TRAPPC4: variants seen among roughly 807,000 people sequenced by gnomAD.
TRAPPC4 encodes the protein trafficking protein particle complex subunit 4.
Under a neutral mutation model 23.5 loss-of-function variants are expected in TRAPPC4, and 30 were observed. The observed-to-expected ratio is 1.28, with a 90% confidence interval of 0.96 to 1.73. TRAPPC4 has a LOEUF of 1.73. Among genes scored for constraint, TRAPPC4 ranks in the 40% most tolerant of loss-of-function variants. The probability of loss-of-function intolerance (pLI) is 0.00; values close to 1 mark genes in which losing one functional copy is unlikely to be tolerated. For missense variants in TRAPPC4, 252 were observed against 268.9 expected, an observed-to-expected ratio of 0.94 and a Z score of 0.44; for synonymous variants, 129 against 105.3, an observed-to-expected ratio of 1.23 and a Z score of -1.38.
rs782425190 is a variant in TRAPPC4 at position 119,019,993 on chromosome 11, A to C, written c.351-157A>C. ...AATGTAAAATATTCACAGAATTCAAATGAACTTAGAAATTTTGACACTACT... is the reference window on the plus strand; with the variant it reads ...AATGTAAAATATTCACAGAATTCAACTGAACTTAGAAATTTTGACACTACT... On this transcript the variant is annotated intron_variant, in intron 2 of 4. Coordinates refer to ENST00000533632, the MANE Select transcript of TRAPPC4 (RefSeq NM_016146.6). 3 of 542,804 alleles carry C rather than the reference A, an allele frequency of 5.5e-6. No homozygotes were observed. In the African/African-American group the frequency reaches 5.7e-5, roughly 10 times the overall value. 33.6% of individuals were successfully genotyped at this position (542,804 alleles called of 1,614,324 possible).
At chr11:119,019,025 T>A (rs782500100) in intron 1 of TRAPPC4, 55 bp downstream of exon 1, 233 of 1,595,298 alleles carry the variant, frequency 1.5e-4, no homozygotes, top group Non-Finnish European at 1.8e-4. Flanking sequence ...CCCAGTGCTG[T>A]AGAAGTGGGC....
At position 119,023,341 on chromosome 11, in the gene TRAPPC4, A is replaced by G; in HGVS notation, c.602A>G (p.Asn201Ser). ...MPIRCELFDQ[N>S]LKLALEVAEK... ...CTTAGGTGTGAGCTCTTTGACCAGA[A>G]CCTGAAGCTAGCTCTGGAGGTGGCA... Residue 201 changes from asparagine to serine, a missense_variant, in exon 5 of 5, where the codon AAC becomes AGC. By Grantham distance (46) the Asn-to-Ser change is conservative. Transcript: ENST00000533632. The G allele has an allele frequency of 6.2e-7, 1 of 1,613,970 alleles. No individual in the cohort carries two copies. Among genetic ancestry groups the G allele is most frequent in the Non-Finnish European group, 8.5e-7 (1 of 1,179,954 alleles).
At position 119,021,942 on chromosome 11, in the gene TRAPPC4, GCT is replaced by G; in HGVS notation, c.581+59_581+60del. ...AAAGCGTCCTTGCCCCTCCCTGTGT[GCT>G]CTGTCCAAAGTTAGCTGAAGCATAG... On this transcript the variant is annotated intron_variant, in intron 4 of 4. Transcript: ENST00000533632. The G allele has an allele frequency of 3.1e-6, 5 of 1,598,304 alleles. No homozygotes were observed. The South Asian group carries it at 4.5e-5, about 14-fold the overall frequency.
chr11:119,023,924 C>T lies in TRAPPC4; in HGVS notation c.*525C>T, dbSNP rs1219459461. On this transcript the variant is annotated 3_prime_UTR_variant, in exon 5 of 5. Coordinates refer to ENST00000533632, the MANE Select transcript of TRAPPC4 (RefSeq NM_016146.6). Reference sequence around the variant, plus strand: ...ATGATGATGATGATGGAACATATTTCAAGCACTTACAGCCAGGCATTCCTG... The same window carrying T: ...ATGATGATGATGATGGAACATATTTTAAGCACTTACAGCCAGGCATTCCTG... 6.5e-6 allele frequency: 1 copy of T among 153,054 alleles called. No homozygotes were observed. The highest frequency in any genetic ancestry group is 2.4e-5 in the African/African-American group (1 of 41,432). 9.5% of individuals were successfully genotyped at this position (153,054 alleles called of 1,614,324 possible).
At chr11:119,019,435 C>T (rs1592095583) in intron 2 of TRAPPC4, 118 bp downstream of exon 2, 23 of 1,126,660 alleles carry the variant, frequency 2.0e-5, no homozygotes, top group Non-Finnish European at 2.5e-5. Context: ...GTAATAACGG[C>T]AGTGGTGTCA....
In TRAPPC4 at chr11:119,023,483, G is replaced by A; in HGVS notation, c.*84G>A. 1.5e-6 allele frequency: 2 copies of A among 1,348,062 alleles called. No homozygotes were observed. Among genetic ancestry groups the A allele is most frequent in the African/African-American group, 1.4e-5 (1 of 69,694 alleles). The allele number at this position is 1,348,062 out of a possible 1,614,324, so 83.5% of individuals were successfully genotyped here. On this transcript the variant is annotated 3_prime_UTR_variant, in exon 5 of 5. Coordinates refer to ENST00000533632, the MANE Select transcript of TRAPPC4 (RefSeq NM_016146.6). Reference sequence around the variant, plus strand: ...TGACACTCCAGTGGAAATCCCAGCAGCCTTGTTAGTGCACTTGAAAGTGGG... The same window carrying A: ...TGACACTCCAGTGGAAATCCCAGCAACCTTGTTAGTGCACTTGAAAGTGGG...
chr11:119,018,968 G>A lies in TRAPPC4; in HGVS notation c.173G>A (p.Arg58Gln), dbSNP rs142301628. ...LVAFGQRDGI[R>Q]VGHAVLAING... ...GCTTTCGGCCAGCGGGACGGCATCCGAGGTGGGCTAGGCTCGGGCCCGTGG... is the reference window on the plus strand; with the variant it reads ...GCTTTCGGCCAGCGGGACGGCATCCAAGGTGGGCTAGGCTCGGGCCCGTGG... The change falls in exon 1 of 5, where the codon CGA becomes CAA. Residue 58 changes from arginine to glutamine, a missense_variant and splice_region_variant. This residue lies in a region of TRAPPC4 where 222 missense variants were observed against 217.8 expected (regional missense o/e 1.02). Coordinates refer to ENST00000533632, the MANE Select transcript of TRAPPC4 (RefSeq NM_016146.6). 15 of 1,611,558 alleles carry A rather than the reference G, an allele frequency of 9.3e-6. No homozygotes were observed. Among genetic ancestry groups the A allele is most frequent in the East Asian group, 2.2e-5 (1 of 44,880 alleles).
chr11:119,019,689 C>CA lies in TRAPPC4; in HGVS notation c.350+372_350+373insA, dbSNP rs558828914. ...CTCCTGACCTCAGGTGATCCACCTGCCTCGGCTTCCCAAAGTGCTGGGATT... is the reference window on the plus strand; with the variant it reads ...CTCCTGACCTCAGGTGATCCACCTGCACTCGGCTTCCCAAAGTGCTGGGATT... On this transcript the variant is annotated intron_variant, in intron 2 of 4. Transcript: ENST00000533632. 531 of 215,156 alleles carry CA rather than the reference C, an allele frequency of 2.5e-3. 3 individuals carry two copies. The highest frequency in any genetic ancestry group is 0.012 in the African/African-American group (503 of 42,894). 13.3% of individuals were successfully genotyped at this position (215,156 alleles called of 1,614,324 possible).
chr11:119,021,921 C>A (rs782129481), intron 4 of TRAPPC4, 35 bp downstream of exon 4: 1 of 1,610,042 alleles, frequency 6.2e-7, no homozygotes, highest in Admixed American at 1.7e-5. Context: ...CTGTTTAAAG[C>A]GTCCTTGCCC....
intron 3 of TRAPPC4, 176 bp downstream of exon 3, chr11:119,020,429 CT>C (rs199734981): frequency 0.035 from 12,119 of 341,980 alleles, no homozygotes; most frequent in South Asian, 0.052. Flanking sequence ...TGGCACAATT[CT>C]TTTTTTTTTT....
In TRAPPC4 at chr11:119,018,815, ATG is replaced by A. The variant is rs781880480; in HGVS notation, c.23_24del (p.Val8GlyfsTer19). On this transcript the variant is annotated frameshift_variant, in exon 1 of 5. Transcript: ENST00000533632. LOFTEE classifies it high-confidence loss of function. ...GCAGCGATGGCGATTTTTAGTGTGT[ATG>A]TGGTGAACAAAGCTGGCGGCTTGAT... The A allele has an allele frequency of 1.7e-5, 28 of 1,614,104 alleles. No individual in the cohort carries two copies. The highest frequency in any genetic ancestry group is 2.2e-5 in the Non-Finnish European group (26 of 1,180,036).
rs201653991 is a variant in TRAPPC4 at position 119,020,144 on chromosome 11, A to G, written c.351-6A>G. The G allele has an allele frequency of 5.5e-4, 894 of 1,612,676 alleles. 3 individuals are homozygous for G. Among genetic ancestry groups the G allele is most frequent in the Non-Finnish European group, 2.7e-5 (32 of 1,178,976 alleles). On this transcript the variant is annotated splice_polypyrimidine_tract_variant and splice_region_variant and intron_variant, in intron 2 of 4. Transcript: ENST00000533632. ...CTTAGAGCAACTTTGCCTCCTTTGC[A>G]TATAGGCTCTTTGCCATCGGCTCCC...
In TRAPPC4 at chr11:119,018,831, T is replaced by C; in HGVS notation, c.36T>C (p.Ala12=). Reference sequence around the variant, plus strand: ...TTAGTGTGTATGTGGTGAACAAAGCTGGCGGCTTGATTTACCAGTTGGACA... The same window carrying C: ...TTAGTGTGTATGTGGTGAACAAAGCCGGCGGCTTGATTTACCAGTTGGACA... The part of the protein sequence containing the change: ...AIFSVYVVNK[A]GGLIYQLDSY... Residue 12 remains alanine (A), a synonymous_variant, in exon 1 of 5, where the codon GCT becomes GCC. Coordinates refer to ENST00000533632, the MANE Select transcript of TRAPPC4 (RefSeq NM_016146.6). 2 of 1,614,212 alleles carry C rather than the reference T, an allele frequency of 1.2e-6. No homozygotes were observed. The highest frequency in any genetic ancestry group is 1.7e-6 in the Non-Finnish European group (2 of 1,180,032).
At position 119,023,797 on chromosome 11, in the gene TRAPPC4, T is replaced by C. The variant is rs1943467177; in HGVS notation, c.*398T>C. The C allele has an allele frequency of 6.3e-6, 1 of 159,118 alleles. No homozygotes were observed. Among genetic ancestry groups the C allele is most frequent in the East Asian group, 1.8e-4 (1 of 5,648 alleles). The allele number at this position is 159,118 out of a possible 1,614,324, so 9.9% of individuals were successfully genotyped here. A position where few individuals can be genotyped will look rare whatever the true frequency, so the allele number is the denominator to read the frequency against. Reference sequence around the variant, plus strand: ...AACAAATATGTGTTCATTAAATAAATGAACATAAGATTTTGAAGCATGAGC... The same window carrying C: ...AACAAATATGTGTTCATTAAATAAACGAACATAAGATTTTGAAGCATGAGC... On this transcript the variant is annotated 3_prime_UTR_variant, in exon 5 of 5. Coordinates refer to ENST00000533632, the MANE Select transcript of TRAPPC4 (RefSeq NM_016146.6).
In TRAPPC4 at chr11:119,024,091, A is replaced by C. The variant is rs1172063165; in HGVS notation, c.*692A>C. The C allele has an allele frequency of 6.5e-6, 1 of 153,024 alleles. No homozygotes were observed. Among genetic ancestry groups the C allele is most frequent in the East Asian group, 1.9e-4 (1 of 5,198 alleles). The allele number at this position is 153,024 out of a possible 1,614,324, so 9.5% of individuals were successfully genotyped here. On this transcript the variant is annotated 3_prime_UTR_variant, in exon 5 of 5. Transcript: ENST00000533632. ...AACCAGGCTTTCTGGCTACACACTCAGTAAACCACTGTTACACTTCTTCCC... is the reference window on the plus strand; with the variant it reads ...AACCAGGCTTTCTGGCTACACACTCCGTAAACCACTGTTACACTTCTTCCC...
chr11:119,020,534 C>G, intron 3 of TRAPPC4: 1 of 307,346 alleles, frequency 3.3e-6, no homozygotes, highest in South Asian at 3.5e-5. Context: ...TCCCAAATAG[C>G]TGGGATTACA....
chr11:119,018,787 A>T lies in TRAPPC4; in HGVS notation c.-9A>T. The T allele has an allele frequency of 6.2e-7, 1 of 1,611,038 alleles. No homozygotes were observed. The highest frequency in any genetic ancestry group is 8.5e-7 in the Non-Finnish European group (1 of 1,177,386). On this transcript the variant is annotated 5_prime_UTR_variant, in exon 1 of 5. Coordinates refer to ENST00000533632, the MANE Select transcript of TRAPPC4 (RefSeq NM_016146.6). ...GGCTGAATACCAGTTTCCGAGCGGC[A>T]AGGCAGCGATGGCGATTTTTAGTGT...
In TRAPPC4 at chr11:119,018,957, G is replaced by T. The variant is rs782556151; in HGVS notation, c.162G>T (p.Arg54=). 6.2e-7 allele frequency: 1 copy of T among 1,612,144 alleles called. No homozygotes were observed. Among genetic ancestry groups the T allele is most frequent in the East Asian group, 2.2e-5 (1 of 44,876 alleles). Residue 54 remains arginine, a synonymous_variant, in exon 1 of 5, where the codon CGG becomes CGT. Coordinates refer to ENST00000533632, the MANE Select transcript of TRAPPC4 (RefSeq NM_016146.6). The stretch of plus-strand genomic sequence containing the variant: ...GTGTGTTGGTTGCTTTCGGCCAGCG[G>T]GACGGCATCCGAGGTGGGCTAGGCT... The part of the protein sequence containing the change: ...DERVLVAFGQ[R]DGIRVGHAVL...
In TRAPPC4 at chr11:119,023,458, T is replaced by TC. The variant is rs1943456419; in HGVS notation, c.*59_*60insC. ...GTTCCTGCAACAAGAATACTGCTGT[T>TC]GACACTCCAGTGGAAATCCCAGCAG... On this transcript the variant is annotated 3_prime_UTR_variant, in exon 5 of 5. Transcript: ENST00000533632. The TC allele has an allele frequency of 3.3e-6, 5 of 1,522,974 alleles. No individual in the cohort carries two copies. The highest frequency in any genetic ancestry group is 4.6e-6 in the Non-Finnish European group (5 of 1,097,560). 94.3% of individuals were successfully genotyped at this position (1,522,974 alleles called of 1,614,324 possible).
Sources: gnomAD v4.1 joint callset for allele counts on GRCh38, gnomAD v4.1.1 for gene constraint, gnomAD v4.1.1 regional missense constraint, MANE v1.5 for transcripts, NCBI Gene and HGNC (gene_info 2026-07-23, HGNC 2026-07-21) for gene names.